The following SCHIP1 variants were observed in gnomAD, a reference collection of about 807,000 sequenced individuals.
The protein encoded by SCHIP1 is schwannomin interacting protein 1, also known as schwannomin-interacting protein 1.
In SCHIP1, 8 loss-of-function variants were observed where a neutral mutation model predicts 29.7. The ratio of observed to expected loss-of-function variants is 0.27; its 90% CI spans 0.16 to 0.49. The LOEUF is 0.49. Among genes scored for constraint, SCHIP1 ranks in the 20% least tolerant of loss-of-function variants. The pLI is 0.99. For synonymous variants in SCHIP1, 76 were observed against 94.9 expected (o/e 0.80, Z 1.16); for missense variants, 193 against 294.6 (o/e 0.66, Z 2.52).
chr3:159,390,188 G>C, the SCHIP1 span, among the ~76,000 whole-genome samples: 1 of 151,958 alleles, frequency 6.6e-6, no homozygotes, highest in African/African-American at 2.4e-5. Context: ...TTTTATATTT[G>C]CATGAGAGTC....
At chr3:159,595,751 T>C in the SCHIP1 span, among the ~76,000 whole-genome samples, 31,269 of 152,164 alleles carry the variant, frequency 0.21, 8,750 homozygotes, top group African/African-American at 0.64. Flanking sequence ...GTAGTAAGGT[T>C]GGCATCTACC....
the SCHIP1 span, among the ~76,000 whole-genome samples, chr3:159,703,601 C>A: frequency 6.6e-6 from 1 of 152,202 alleles, no homozygotes; most frequent in African/African-American, 2.4e-5. Flanking sequence ...CACTTCTCTG[C>A]TTTCTAGTGC....
the SCHIP1 span, among the ~76,000 whole-genome samples, chr3:159,426,823 A>G: frequency 6.6e-6 from 1 of 152,206 alleles, no homozygotes; most frequent in Non-Finnish European, 1.5e-5. Flanking sequence ...GCACATCAAA[A>G]AGCTTATCCA....
At chr3:159,876,759 G>C (rs779533480) in intron 2 of SCHIP1, among the ~76,000 whole-genome samples, 1 of 152,188 alleles carries the variant, frequency 6.6e-6, no homozygotes, top group East Asian at 1.9e-4. Flanking sequence ...GGAAGAAAAG[G>C]TGAAACATGT....
chr3:159,697,413 A>G, the SCHIP1 span, among the ~76,000 whole-genome samples: 5 of 152,130 alleles, frequency 3.3e-5, no homozygotes, highest in African/African-American at 4.8e-5. Context: ...TGGAAATTTG[A>G]AAGTCATTAT....
chr3:159,853,375 A>G (rs1179477435), intron 1 of SCHIP1: 2 of 690,612 alleles, frequency 2.9e-6, no homozygotes, highest in African/African-American at 1.8e-5. Flanking sequence ...CTAAAGAGTT[A>G]AAGGATGAAT....
At chr3:159,828,005 T>A in the SCHIP1 span, among the ~76,000 whole-genome samples, 2 of 151,968 alleles carry the variant, frequency 1.3e-5, no homozygotes, top group Non-Finnish European at 1.5e-5. Context: ...AAGGAAGACC[T>A]TCAATTGAAA....
At chr3:159,570,449 G>A in the SCHIP1 span, among the ~76,000 whole-genome samples, 1 of 152,140 alleles carries the variant, frequency 6.6e-6, no homozygotes, top group Non-Finnish European at 1.5e-5. Flanking sequence ...AAGATCAGAT[G>A]GTTGTAGATG....
intron 1 of SCHIP1, among the ~76,000 whole-genome samples, chr3:159,849,554 G>A (rs1028911649): frequency 1.3e-5 from 2 of 152,176 alleles, no homozygotes; most frequent in African/African-American, 4.8e-5. Flanking sequence ...GGAGCCAGGA[G>A]CAGAATACTG....
At chr3:159,803,922 T>C in the SCHIP1 span, among the ~76,000 whole-genome samples, 3 of 152,222 alleles carry the variant, frequency 2.0e-5, no homozygotes, top group Non-Finnish European at 4.4e-5. Context: ...ATTTAGAAGC[T>C]CAGAAACAAA....
the SCHIP1 span, among the ~76,000 whole-genome samples, chr3:159,425,556 C>A: frequency 1.3e-5 from 2 of 152,106 alleles, no homozygotes; most frequent in Non-Finnish European, 2.9e-5. Context: ...TCCTGAGTGA[C>A]CTACAAAGAG....
the SCHIP1 span, among the ~76,000 whole-genome samples, chr3:159,819,744 T>C: frequency 6.6e-6 from 1 of 152,246 alleles, no homozygotes; most frequent in African/African-American, 2.4e-5. Flanking sequence ...GATTAAGCCC[T>C]GACTCTAGAC....
chr3:159,821,694 C>T, the SCHIP1 span, among the ~76,000 whole-genome samples: 1 of 152,184 alleles, frequency 6.6e-6, no homozygotes, highest in Non-Finnish European at 1.5e-5. Context: ...TATTGTAGGT[C>T]ATAGCAACCT....
At chr3:159,550,645 AT>A in the SCHIP1 span, among the ~76,000 whole-genome samples, 1 of 152,074 alleles carries the variant, frequency 6.6e-6, no homozygotes, top group East Asian at 1.9e-4. Flanking sequence ...ATATTTTTAT[AT>A]TTTTATCCAA....
the SCHIP1 span, among the ~76,000 whole-genome samples, chr3:159,369,292 TC>T: frequency 1.3e-5 from 2 of 152,216 alleles, no homozygotes; most frequent in African/African-American, 4.8e-5. Flanking sequence ...AACCATAAAA[TC>T]CTTTTTCAAT....
the SCHIP1 span, among the ~76,000 whole-genome samples, chr3:159,759,057 T>C: frequency 6.6e-6 from 1 of 152,246 alleles, no homozygotes; most frequent in Admixed American, 6.5e-5. Flanking sequence ...ATTTTGCCTA[T>C]ATTTTGCCAT....
the SCHIP1 span, among the ~76,000 whole-genome samples, chr3:159,344,925 T>C: frequency 6.6e-6 from 1 of 152,174 alleles, no homozygotes; most frequent in African/African-American, 2.4e-5. Context: ...TCTGTAAATA[T>C]AGAACTATTC....
the SCHIP1 span, among the ~76,000 whole-genome samples, chr3:159,786,885 C>T: frequency 0.073 from 11,155 of 151,904 alleles, 1,326 homozygotes; most frequent in African/African-American, 0.25. Flanking sequence ...TTTAAAAAGC[C>T]GAATATTTTT....
the SCHIP1 span, among the ~76,000 whole-genome samples, chr3:159,537,335 G>T: frequency 6.6e-6 from 1 of 152,204 alleles, no homozygotes; most frequent in African/African-American, 2.4e-5. Flanking sequence ...GATACCTGTT[G>T]CCAGGCTTCT....
Sources: allele counts gnomAD v4.1 joint callset (sites outside exome capture counted in the v4.1 genomes callset), GRCh38; gene constraint gnomAD v4.1.1; transcripts MANE v1.5; gene names NCBI Gene and HGNC (gene_info 2026-07-23, HGNC 2026-07-21).